The following MTRF1 variants were observed in gnomAD, a reference collection of about 807,000 sequenced individuals.
MTRF1 encodes the protein peptide chain release factor 1, mitochondrial.
In MTRF1, 51 loss-of-function variants were observed where a neutral mutation model predicts 62.9. The ratio of observed to expected loss-of-function variants is 0.81; its 90% CI spans 0.65 to 1.02. MTRF1 has a LOEUF of 1.02. MTRF1 is among the 50% of genes least tolerant of loss of function. The pLI is 0.00. For synonymous variants in MTRF1, 158 were observed against 181.9 expected (o/e 0.87, Z 1.06); for missense variants, 446 against 530.0 (o/e 0.84, Z 1.56).
the MTRF1 span, chr13:41,311,473 G>T: frequency 6.5e-7 from 1 of 1,537,964 alleles, no homozygotes; most frequent in Non-Finnish European, 8.8e-7. Flanking sequence ...CCCGCGAAGC[G>T]GAGCGCCCGG....
chr13:41,224,009 C>T (rs2033907476), intron 8 of MTRF1, among the ~76,000 whole-genome samples: 1 of 152,224 alleles, frequency 6.6e-6, no homozygotes. Context: ...GTCTACTGAG[C>T]AGACACAACT....
intron 8 of MTRF1, among the ~76,000 whole-genome samples, chr13:41,224,353 G>A (rs1042788719): frequency 9.2e-5 from 14 of 152,004 alleles, no homozygotes; most frequent in African/African-American, 2.9e-4. Context: ...CCCAACACCC[G>A]ATATACACAG....
At chr13:41,245,004 C>G (rs73179126) in intron 5 of MTRF1, among the ~76,000 whole-genome samples, 7,771 of 152,198 alleles carry the variant, frequency 0.051, 261 homozygotes, top group Non-Finnish European at 0.079. Flanking sequence ...ATCTTTTTGC[C>G]TATCAACAAT....
chr13:41,264,087 A>G (rs968424621), upstream of MTRF1, among the ~76,000 whole-genome samples: 1 of 152,214 alleles, frequency 6.6e-6, no homozygotes, highest in Non-Finnish European at 1.5e-5. Context: ...GTTTTCCAAT[A>G]TTTAAAAAAA....
chr13:41,226,608 C>T lies in MTRF1; in HGVS notation c.989-40G>A, dbSNP rs2138732741. On this transcript the variant is annotated intron_variant, in intron 7 of 9. Coordinates refer to ENST00000379480, the MANE Select transcript of MTRF1 (RefSeq NM_004294.4). Reference sequence around the variant, plus strand: ...GGATCAGAAGGTAAACTGTAGCTTCCACCAAATTAAGATAGAACCAAGGAA... The same window carrying T: ...GGATCAGAAGGTAAACTGTAGCTTCTACCAAATTAAGATAGAACCAAGGAA... 4 of 1,607,274 alleles carry T rather than the reference C, an allele frequency of 2.5e-6. 1 individual carries two copies. In the East Asian group the frequency reaches 8.9e-5, roughly 36 times the overall value.
intron 5 of MTRF1, among the ~76,000 whole-genome samples, chr13:41,248,662 T>G (rs531891656): frequency 1.3e-5 from 2 of 152,332 alleles, no homozygotes; most frequent in Non-Finnish European, 2.9e-5. Flanking sequence ...GCAGTTGTGG[T>G]GAAAGGTGAG....
At chr13:41,283,276 A>T in the MTRF1 span, among the ~76,000 whole-genome samples, 1 of 152,084 alleles carries the variant, frequency 6.6e-6, no homozygotes, top group Non-Finnish European at 1.5e-5. Flanking sequence ...CCATTTTATC[A>T]TGGAACTCCT....
chr13:41,303,567 G>A, the MTRF1 span, among the ~76,000 whole-genome samples: 6 of 152,320 alleles, frequency 3.9e-5, no homozygotes, highest in South Asian at 1.0e-3. Context: ...AGAGGTACAG[G>A]AGAAAACCCA....
the MTRF1 span, among the ~76,000 whole-genome samples, chr13:41,285,102 T>G: frequency 6.6e-6 from 1 of 152,238 alleles, no homozygotes; most frequent in African/African-American, 2.4e-5. Flanking sequence ...ATGAAAAGGA[T>G]GCTGATTTAT....
intron 7 of MTRF1, among the ~76,000 whole-genome samples, chr13:41,227,332 A>G (rs1465371834): frequency 6.6e-6 from 1 of 152,136 alleles, no homozygotes; most frequent in African/African-American, 2.4e-5. Flanking sequence ...AAAAAAGCCA[A>G]TGAAAAGACG....
chr13:41,264,658 C>G (rs1336920615), upstream of MTRF1, among the ~76,000 whole-genome samples: 1 of 152,194 alleles, frequency 6.6e-6, no homozygotes, highest in Non-Finnish European at 1.5e-5. Flanking sequence ...AAATACTGTT[C>G]TAAATGGTTT....
At chr13:41,307,615 C>CAA in the MTRF1 span, among the ~76,000 whole-genome samples, 1 of 140,602 alleles carries the variant, frequency 7.1e-6, no homozygotes, top group African/African-American at 2.6e-5. Flanking sequence ...GGCTCCATCT[C>CAA]AAAAAAAAAA....
rs1232118993 is a variant in MTRF1 at position 41,240,305 on chromosome 13, G to A, written c.826C>T (p.His276Tyr). ...ACAATAACCGACATCGTTCCTGTGTGAATGCGCTGCATCCTTGAGGACAGG... is the reference window on the plus strand; with the variant it reads ...ACAATAACCGACATCGTTCCTGTGTAAATGCGCTGCATCCTTGAGGACAGG... ...VGLSSRMQRI[H>Y]TGTMSVIVLP... The change falls in exon 6 of 10, where the codon CAC becomes TAC. Residue 276 changes from histidine to tyrosine, a missense_variant. By Grantham distance (83) the His-to-Tyr change is moderately conservative. Coordinates refer to ENST00000379480, the MANE Select transcript of MTRF1 (RefSeq NM_004294.4). 4.3e-6 allele frequency: 7 copies of A among 1,612,740 alleles called. No individual in the cohort carries two copies. The highest frequency in any genetic ancestry group is 5.9e-6 in the Non-Finnish European group (7 of 1,179,372).
chr13:41,255,594 A>G (rs2039605993), intron 2 of MTRF1, among the ~76,000 whole-genome samples: 1 of 152,176 alleles, frequency 6.6e-6, no homozygotes, highest in Admixed American at 6.5e-5. Flanking sequence ...CGGGAGGCTG[A>G]GGCAGGAGAA....
chr13:41,252,775 T>G (rs1485609259), intron 4 of MTRF1, 23 bp from the exon 5 acceptor site: 6 of 1,603,928 alleles, frequency 3.7e-6, no homozygotes, highest in Non-Finnish European at 5.1e-6. Flanking sequence ...ACGAAAAATA[T>G]TTAGTCAGGA....
chr13:41,245,886 T>TCCCTC (rs1042285572), intron 5 of MTRF1, among the ~76,000 whole-genome samples: 2 of 152,172 alleles, frequency 1.3e-5, no homozygotes, highest in African/African-American at 4.8e-5. Context: ...TTTCCCTTCC[T>TCCCTC]CCCTCTTTAT....
chr13:41,234,348 T>A (rs2036111879), intron 6 of MTRF1, among the ~76,000 whole-genome samples: 1 of 152,164 alleles, frequency 6.6e-6, no homozygotes, highest in African/African-American at 2.4e-5. Context: ...ATGTTAATTT[T>A]AAAAATTTCT....
At chr13:41,271,086 CA>C in the MTRF1 span, among the ~76,000 whole-genome samples, 3 of 149,568 alleles carry the variant, frequency 2.0e-5, no homozygotes, top group African/African-American at 7.7e-5. Context: ...CACACACACA[CA>C]CACACCCCAT....
At chr13:41,274,254 A>C in the MTRF1 span, among the ~76,000 whole-genome samples, 8 of 152,326 alleles carry the variant, frequency 5.3e-5, no homozygotes, top group African/African-American at 1.9e-4. Flanking sequence ...AATTATAACT[A>C]TATTTCTGTC....
Sources: allele counts gnomAD v4.1 joint callset (sites outside exome capture counted in the v4.1 genomes callset), GRCh38; gene constraint gnomAD v4.1.1; transcripts MANE v1.5; gene names NCBI Gene and HGNC (gene_info 2026-07-23, HGNC 2026-07-21).